BBX: variants seen among roughly 807,000 people sequenced by gnomAD.
BBX encodes the protein HMG box transcription factor BBX.
A neutral mutation model predicts 100.2 loss-of-function variants in BBX; 30 were observed. That is an observed-to-expected ratio of 0.30 (90% CI 0.22 to 0.41). BBX has a LOEUF of 0.41. Ranked by LOEUF, BBX falls within the 10% of genes least tolerant of loss-of-function variation. The pLI is 1.00. For synonymous variants in BBX, 376 were observed against 388.1 expected (o/e 0.97, Z 0.37); for missense variants, 1,023 against 1,129.8 (o/e 0.91, Z 1.35).
At position 107,618,390 on chromosome 3, in the gene BBX, G is replaced by C. The variant is rs183050634; in HGVS notation, c.-83-27446G>C. On this transcript the variant is annotated intron_variant, in intron 2 of 17. Transcript: ENST00000325805. Reference sequence around the variant, plus strand: ...AAAGTAATACCAAAATTGTTTTTCTGTTTTCAATTTTACTGATTTCTGCTG... The same window carrying C: ...AAAGTAATACCAAAATTGTTTTTCTCTTTTCAATTTTACTGATTTCTGCTG... Among the ~76,000 whole-genome samples, 307 of 152,004 alleles carry C rather than the reference G, an allele frequency of 2.0e-3. 1 individual carries two copies. Among genetic ancestry groups the C allele is most frequent in the African/African-American group, 7.1e-3 (293 of 41,492 alleles).
At chr3:107,569,645 A>G (rs1010701831) in intron 2 of BBX, among the ~76,000 whole-genome samples, 1 of 152,192 alleles carries the variant, frequency 6.6e-6, no homozygotes, top group Non-Finnish European at 1.5e-5. Context: ...GGGGATAACT[A>G]AAAAGGACTG....
intron 14 of BBX, among the ~76,000 whole-genome samples, chr3:107,790,409 G>C (rs1179807313): frequency 1.3e-5 from 2 of 151,850 alleles, no homozygotes; most frequent in Admixed American, 1.3e-4. Flanking sequence ...CTCTTGTTCC[G>C]ACCTCTTTCA....
chr3:107,704,507 A>G (rs1464852300), intron 3 of BBX, among the ~76,000 whole-genome samples: 1 of 152,214 alleles, frequency 6.6e-6, no homozygotes, highest in Non-Finnish European at 1.5e-5. Flanking sequence ...ACAGTTCTGG[A>G]GGCTGGGAAT....
intron 2 of BBX, among the ~76,000 whole-genome samples, chr3:107,596,403 C>G (rs1489614890): frequency 6.6e-6 from 1 of 152,156 alleles, no homozygotes; most frequent in African/African-American, 2.4e-5. Context: ...CATCTGTGCA[C>G]TCATGTCAGT....
chr3:107,545,501 C>T (rs2049168233), intron 2 of BBX, among the ~76,000 whole-genome samples: 1 of 152,060 alleles, frequency 6.6e-6, no homozygotes, highest in African/African-American at 2.4e-5. Context: ...AGATCAGTAC[C>T]TTATGTTTTG....
At chr3:107,567,566 T>C (rs1483038682) in intron 2 of BBX, among the ~76,000 whole-genome samples, 3 of 152,200 alleles carry the variant, frequency 2.0e-5, no homozygotes, top group Non-Finnish European at 4.4e-5. Flanking sequence ...ATACCTACTT[T>C]TTAAATTTCA....
chr3:107,561,716 A>T (rs1465631868), intron 2 of BBX, among the ~76,000 whole-genome samples: 1 of 152,186 alleles, frequency 6.6e-6, no homozygotes, highest in African/African-American at 2.4e-5. Context: ...CTGGGGAGAA[A>T]TGGATGAAGA....
At chr3:107,576,596 AAG>A (rs2051794442) in intron 2 of BBX, among the ~76,000 whole-genome samples, 1 of 152,212 alleles carries the variant, frequency 6.6e-6, no homozygotes, top group Non-Finnish European at 1.5e-5. Context: ...CTATAGAACT[AAG>A]AGCAGTGAGA....
At chr3:107,641,136 G>A (rs1419863390) in intron 2 of BBX, among the ~76,000 whole-genome samples, 1 of 146,366 alleles carries the variant, frequency 6.8e-6, no homozygotes, top group Non-Finnish European at 1.5e-5. Flanking sequence ...CCAGGCTAGA[G>A]TGCAATGGCA....
chr3:107,719,798 T>C (rs2107415831), intron 5 of BBX, among the ~76,000 whole-genome samples: 2 of 152,218 alleles, frequency 1.3e-5, no homozygotes, highest in East Asian at 3.9e-4. Flanking sequence ...TCTTTCCTTT[T>C]AACATCTTCA....
chr3:107,601,020 T>G (rs888321355), intron 2 of BBX, among the ~76,000 whole-genome samples: 3 of 152,224 alleles, frequency 2.0e-5, no homozygotes, highest in Non-Finnish European at 2.9e-5. Flanking sequence ...AATTTGGTCA[T>G]TCTTGTAACA....
intron 1 of BBX, among the ~76,000 whole-genome samples, chr3:107,525,028 AT>A (rs1480245481): frequency 6.7e-6 from 1 of 149,796 alleles, no homozygotes; most frequent in African/African-American, 2.4e-5. Context: ...GTTCTTCGCC[AT>A]CTCCTGGGGT....
chr3:107,762,182 C>T (rs1409597969), intron 10 of BBX, among the ~76,000 whole-genome samples: 1 of 152,182 alleles, frequency 6.6e-6, no homozygotes, highest in African/African-American at 2.4e-5. Context: ...ATCTAATTGA[C>T]TGCCCTTAAC....
At chr3:107,796,654 A>C (rs969638053) in intron 15 of BBX, among the ~76,000 whole-genome samples, 1 of 152,136 alleles carries the variant, frequency 6.6e-6, no homozygotes, top group Non-Finnish European at 1.5e-5. Flanking sequence ...AGAATCATGC[A>C]TCTTCTTTGG....
intron 3 of BBX, among the ~76,000 whole-genome samples, chr3:107,704,809 C>T (rs898767502): frequency 6.6e-6 from 1 of 152,128 alleles, no homozygotes; most frequent in Non-Finnish European, 1.5e-5. Flanking sequence ...TGTCAAAACA[C>T]TATGATAAGT....
chr3:107,642,184 A>G (rs1293222357), intron 2 of BBX, among the ~76,000 whole-genome samples: 1 of 152,228 alleles, frequency 6.6e-6, no homozygotes, highest in Non-Finnish European at 1.5e-5. Context: ...AACAGAATAT[A>G]TAGAATGGGA....
At chr3:107,630,240 G>A (rs2056462209) in intron 2 of BBX, among the ~76,000 whole-genome samples, 1 of 152,116 alleles carries the variant, frequency 6.6e-6, no homozygotes, top group Non-Finnish European at 1.5e-5. Context: ...ATTTTAAAGT[G>A]TCTCCTGTGA....
chr3:107,584,998 A>G (rs2052724437), intron 2 of BBX, among the ~76,000 whole-genome samples: 1 of 152,080 alleles, frequency 6.6e-6, no homozygotes, highest in East Asian at 1.9e-4. Flanking sequence ...CTTAATAATT[A>G]CTGGCCTTTG....
At chr3:107,526,243 C>T in intron 1 of BBX, 84 bp from the exon 2 acceptor site, 2 of 398,362 alleles carry the variant, frequency 5.0e-6, no homozygotes, top group Non-Finnish European at 8.8e-6. Context: ...GGTACCTTCT[C>T]TTCATAGATG....
Sources: gnomAD v4.1 joint callset for allele counts (sites outside exome capture counted in the v4.1 genomes callset) on GRCh38, gnomAD v4.1.1 for gene constraint, MANE v1.5 for transcripts, NCBI Gene and HGNC (gene_info 2026-07-23, HGNC 2026-07-21) for gene names.